The following PVT1 variants were observed in gnomAD, a reference collection of about 807,000 sequenced individuals.
PVT1 encodes the protein CXCR4/PVT1 fusion.
chr8:127,966,032 AG>A (rs1816699685), intron 3 of PVT1, among the ~76,000 whole-genome samples: 1 of 152,232 alleles, frequency 6.6e-6, no homozygotes, highest in Non-Finnish European at 1.5e-5. Flanking sequence ...GTTTTGCCAG[AG>A]GCACATGGAG....
intron 4 of PVT1, among the ~76,000 whole-genome samples, chr8:128,038,938 T>C (rs983280354): frequency 1.3e-5 from 2 of 152,184 alleles, no homozygotes; most frequent in African/African-American, 2.4e-5. Context: ...CAAGTCATTA[T>C]AACACAGAAG....
At chr8:127,900,248 A>G (rs1815741638) in intron 3 of PVT1, among the ~76,000 whole-genome samples, 1 of 151,986 alleles carries the variant, frequency 6.6e-6, no homozygotes. Context: ...TCACTGTGTT[A>G]GCCAGGATGG....
chr8:128,082,863 T>C (rs538922745), intron 5 of PVT1: 1 of 152,374 alleles, frequency 6.6e-6, no homozygotes, highest in East Asian at 1.9e-4. Flanking sequence ...GGATTTTTTA[T>C]AGCATTGTTG....
intron 3 of PVT1, among the ~76,000 whole-genome samples, chr8:127,921,852 A>ATTTTTTTTTTTTTTTTT (rs1816062657): frequency 3.7e-5 from 3 of 82,010 alleles, no homozygotes. Flanking sequence ...TTTTTGGTTC[A>ATTTTTTTTTTTTTTTTT]TGTTTTTTTT....
chr8:127,894,566 A>C lies in PVT1; in HGVS notation n.782+3568A>C, dbSNP rs142578992. On this transcript the variant is annotated intron_variant and non_coding_transcript_variant, in intron 3 of 10. Transcript: ENST00000651587. ...TCCAAAGCGTGCTGATGAGCAATGC[A>C]AGATGATTTCATGTTATAGATAAGA... 3.3e-4 allele frequency among the ~76,000 whole-genome samples: 50 copies of C among 152,344 alleles called. No homozygotes were observed. In the East Asian group the frequency reaches 9.1e-3, roughly 28 times the overall value.
intron 2 of PVT1, among the ~76,000 whole-genome samples, chr8:127,842,227 G>C: frequency 6.7e-6 from 1 of 149,294 alleles, no homozygotes; most frequent in East Asian, 2.0e-4. Flanking sequence ...ACTGGAAAAC[G>C]GCTTTGCTCT....
At chr8:127,959,478 G>A (rs13262474) in intron 3 of PVT1, among the ~76,000 whole-genome samples, 8,903 of 151,698 alleles carry the variant, frequency 0.059, 324 homozygotes, top group East Asian at 0.13. Flanking sequence ...CCAGCTACTC[G>A]GTAGGCTAAG....
At chr8:127,984,997 CCTTCCTTCCT>C (rs1816946247) in intron 3 of PVT1, among the ~76,000 whole-genome samples, 1 of 112,736 alleles carries the variant, frequency 8.9e-6, no homozygotes, top group African/African-American at 4.4e-5. Context: ...CTTTCTCTTT[CCTTCCTTCCT>C]TCCTTCCTTC....
chr8:127,887,904 C>T (rs1241905023), intron 2 of PVT1, among the ~76,000 whole-genome samples: 1 of 134,748 alleles, frequency 7.4e-6, no homozygotes, highest in African/African-American at 2.8e-5. Context: ...TCAAACCCAA[C>T]TTGGATGCAG....
intron 2 of PVT1, among the ~76,000 whole-genome samples, chr8:127,850,948 A>C (rs1008818148): frequency 6.6e-6 from 1 of 152,106 alleles, no homozygotes; most frequent in African/African-American, 2.4e-5. Flanking sequence ...TGGAGATTGC[A>C]ATGAGCCAAG....
chr8:127,994,651 C>T (rs896281896), intron 4 of PVT1, among the ~76,000 whole-genome samples: 4 of 152,132 alleles, frequency 2.6e-5, no homozygotes, highest in East Asian at 3.8e-4. Flanking sequence ...TTGGCTCATG[C>T]AATTATGGAC....
At chr8:127,933,148 T>C (rs1464489438) in intron 3 of PVT1, among the ~76,000 whole-genome samples, 1 of 152,212 alleles carries the variant, frequency 6.6e-6, no homozygotes, top group Non-Finnish European at 1.5e-5. Flanking sequence ...CGATCTCGGC[T>C]CACTGCAACC....
intron 1 of PVT1, among the ~76,000 whole-genome samples, chr8:127,795,242 T>C (rs760185202): frequency 4.3e-4 from 65 of 152,322 alleles, no homozygotes; most frequent in Middle Eastern, 3.4e-3. Flanking sequence ...TGTTGGGTGC[T>C]CCTAAACCCT....
intron 4 of PVT1, among the ~76,000 whole-genome samples, chr8:128,007,641 C>T (rs1345917637): frequency 6.6e-6 from 1 of 152,176 alleles, no homozygotes; most frequent in East Asian, 1.9e-4. Context: ...TGTTAACAGA[C>T]ATTTCTGGGA....
chr8:127,843,126 C>T (rs985387691), intron 2 of PVT1, among the ~76,000 whole-genome samples: 1 of 152,090 alleles, frequency 6.6e-6, no homozygotes, highest in Non-Finnish European at 1.5e-5. Flanking sequence ...GAGGCTGAGG[C>T]GGGTGGATCA....
intron 2 of PVT1, among the ~76,000 whole-genome samples, chr8:127,821,680 T>A (rs1372919929): frequency 6.6e-6 from 1 of 151,826 alleles, no homozygotes; most frequent in African/African-American, 2.4e-5. Context: ...GGCATGGTGG[T>A]GGGCGCCTGT....
At chr8:128,067,956 T>TTG (rs989970755) in intron 4 of PVT1, among the ~76,000 whole-genome samples, 1 of 88,874 alleles carries the variant, frequency 1.1e-5, no homozygotes, top group Non-Finnish European at 2.4e-5. Context: ...ACTTTGTGTT[T>TTG]TTTTTTTTTT....
intron 2 of PVT1, among the ~76,000 whole-genome samples, chr8:127,847,304 G>A (rs943471082): frequency 2.0e-5 from 3 of 152,180 alleles, no homozygotes; most frequent in African/African-American, 4.8e-5. Flanking sequence ...TACCAACGTT[G>A]TATAATACAC....
chr8:127,796,849 A>G (rs939000648), intron 2 of PVT1, among the ~76,000 whole-genome samples: 1 of 148,980 alleles, frequency 6.7e-6, no homozygotes, highest in African/African-American at 2.5e-5. Flanking sequence ...GGCTGCAGAC[A>G]TAAGATTCTT....
Sources: gnomAD v4.1 joint callset for allele counts (sites outside exome capture counted in the v4.1 genomes callset) on GRCh38, gnomAD v4.1.1 for gene constraint, MANE v1.5 for transcripts, NCBI Gene and HGNC (gene_info 2026-07-23, HGNC 2026-07-21) for gene names.